Variants in SUGT1 observed in about 807,000 individuals in gnomAD.
SUGT1 encodes the protein protein SGT1 homolog.
SUGT1 carries 15 observed loss-of-function variants against 56.1 expected under a neutral mutation model. The observed-to-expected ratio is 0.27, with a 90% CI of 0.18 to 0.41. The LOEUF (loss-of-function observed/expected upper bound fraction) is 0.41. Ranked by LOEUF, SUGT1 falls within the 10% of genes least tolerant of loss-of-function variation. The pLI, the probability that SUGT1 is intolerant of heterozygous loss-of-function variation, is 1.00. For missense variants in SUGT1, 347 were observed against 382.2 expected (o/e 0.91, Z 0.77); for synonymous variants, 123 against 128.6 (o/e 0.96, Z 0.30).
intron 9 of SUGT1, among the ~76,000 whole-genome samples, chr13:52,666,248 G>C (rs555635895): frequency 6.6e-6 from 1 of 152,192 alleles, no homozygotes. Flanking sequence ...ACCGTGCCTG[G>C]CTAATTTTTG....
chr13:52,674,389 C>T (rs1963063077), intron 10 of SUGT1, among the ~76,000 whole-genome samples: 1 of 152,016 alleles, frequency 6.6e-6, no homozygotes, highest in Admixed American at 6.6e-5. Flanking sequence ...TGAAAACAGT[C>T]GTTTATTACA....
At chr13:52,682,500 C>G (rs77838011) in intron 12 of SUGT1, among the ~76,000 whole-genome samples, 2,096 of 152,330 alleles carry the variant, frequency 0.014, 47 homozygotes, top group African/African-American at 0.048. Context: ...AGCACCTGGC[C>G]TACATATTAC....
In SUGT1 at chr13:52,699,326, T is replaced by A. The variant is rs1014670224; in HGVS notation, c.*11491T>A. 2.6e-5 allele frequency: 4 copies of A among 152,078 alleles called. No individual in the cohort carries two copies. Among genetic ancestry groups the A allele is most frequent in the African/African-American group, 9.7e-5 (4 of 41,402 alleles). The allele number at this position is 152,078 out of a possible 1,614,324, so 9.4% of individuals were successfully genotyped here. On this transcript the variant is annotated 3_prime_UTR_variant, in exon 13 of 13. Transcript: ENST00000310528. The stretch of plus-strand genomic sequence containing the variant: ...GAGAATAACTATTTGGGCAAAACAC[T>A]TTTATCACTGCTAAGATATTACTAG...
Position 52,691,571 on chromosome 13 carries a change from G to C in SUGT1, c.*3736G>C, listed in dbSNP as rs2138189614. On this transcript the variant is annotated 3_prime_UTR_variant, in exon 13 of 13. Transcript: ENST00000310528. Reference sequence around the variant, plus strand: ...TGTTCAGATTGGTGTGCATCTCTCTGAACTTGTAGCTTTACTGACATTTCC... The same window carrying C: ...TGTTCAGATTGGTGTGCATCTCTCTCAACTTGTAGCTTTACTGACATTTCC... The C allele has an allele frequency of 6.6e-6, 1 of 152,152 alleles. No individual in the cohort carries two copies. The highest frequency in any genetic ancestry group is 1.9e-4 in the East Asian group (1 of 5,170). The allele number at this position is 152,152 out of a possible 1,614,324, so 9.4% of individuals were successfully genotyped here.
In SUGT1 at chr13:52,665,676, A is replaced by G. The variant is rs777979533; in HGVS notation, c.462A>G (p.Thr154=). 2.5e-6 allele frequency: 4 copies of G among 1,607,920 alleles called. No individual in the cohort carries two copies. The highest frequency in any genetic ancestry group is 1.7e-5 in the Admixed American group (1 of 57,914). The change falls in exon 9 of 13, where the codon ACA becomes ACG. Residue 154 remains threonine (T), a synonymous_variant. Transcript: ENST00000310528. ...AAACAGAATCTCAAGTAGTCATTACACTTATGATCAAGAATGTTCAGAAGA... is the reference window on the plus strand; with the variant it reads ...AAACAGAATCTCAAGTAGTCATTACGCTTATGATCAAGAATGTTCAGAAGA... ...WYQTESQVVI[T]LMIKNVQKND... is the part of the protein sequence containing the mutation.
At chr13:52,663,206 A>G in intron 7 of SUGT1, 94 bp downstream of exon 7, 1 of 1,289,168 alleles carries the variant, frequency 7.8e-7, no homozygotes, top group Non-Finnish European at 1.1e-6. Context: ...GCTGTCTGAT[A>G]TTTAAATATT....
chr13:52,664,187 A>C, intron 8 of SUGT1, 130 bp downstream of exon 8: 1 of 939,430 alleles, frequency 1.1e-6, no homozygotes, highest in Non-Finnish European at 1.6e-6. Flanking sequence ...AAAATTGTGT[A>C]ATAGCTTTAT....
Position 52,694,468 on chromosome 13 carries a change from AGAAT to A in SUGT1, c.*6634_*6637del, listed in dbSNP as rs1176700968. ...TGTAAGTATTGTCAGCACTTTATAA[AGAAT>A]CGTAAAATAAAATAGTGGCAGAAAA... On this transcript the variant is annotated 3_prime_UTR_variant, in exon 13 of 13. Transcript: ENST00000310528. 1 of 152,264 alleles carries A rather than the reference AGAAT, an allele frequency of 6.6e-6. No homozygotes were observed. Among genetic ancestry groups the A allele is most frequent in the Non-Finnish European group, 1.5e-5 (1 of 68,044 alleles). The allele number at this position is 152,264 out of a possible 1,614,324, so 9.4% of individuals were successfully genotyped here.
rs529679464 is a variant in SUGT1 at position 52,657,634 on chromosome 13, T to C, written c.187+12T>C. ...TGGGAATTACTGTGGTAACGTTTCT[T>C]ATAAAGTATATTGCCCCCTTTTAAT... is the stretch of plus-strand genomic sequence containing the variant. On this transcript the variant is annotated intron_variant, in intron 3 of 12. Transcript: ENST00000310528. The C allele has an allele frequency of 6.2e-7, 1 of 1,603,606 alleles. No individual in the cohort carries two copies. Among genetic ancestry groups the C allele is most frequent in the South Asian group, 1.1e-5 (1 of 90,316 alleles).
At chr13:52,667,060 G>A in intron 10 of SUGT1, 141 bp downstream of exon 10, 1 of 588,586 alleles carries the variant, frequency 1.7e-6, no homozygotes, top group Non-Finnish European at 2.9e-6. Flanking sequence ...GATAACTTTT[G>A]AGTATAAGGG....
intron 11 of SUGT1, among the ~76,000 whole-genome samples, chr13:52,679,103 T>C (rs1325946393): frequency 6.6e-6 from 1 of 152,252 alleles, no homozygotes; most frequent in Non-Finnish European, 1.5e-5. Flanking sequence ...TTTTAAATTA[T>C]ATATGTGACT....
rs1199837080 is a variant in SUGT1, at chr13:52,653,912, C to T, written c.96+809C>T. Among the ~76,000 whole-genome samples the T allele has an allele frequency of 2.6e-5, 4 of 152,140 alleles. No homozygotes were observed. The East Asian group carries it at 7.7e-4, about 29-fold the overall frequency. ...AAGACAGCGTCTTTTCTAGCTATGACTTTTATAAGAAATGTGCCACATGGT... is the reference window on the plus strand; with the variant it reads ...AAGACAGCGTCTTTTCTAGCTATGATTTTTATAAGAAATGTGCCACATGGT... On this transcript the variant is annotated intron_variant, in intron 2 of 12. Coordinates refer to ENST00000310528, the MANE Select transcript of SUGT1 (RefSeq NM_006704.5).
intron 5 of SUGT1, chr13:52,661,666 T>TG: frequency 2.8e-6 from 1 of 353,278 alleles, no homozygotes; most frequent in Non-Finnish European, 5.5e-6. Flanking sequence ...TTGTTACCTT[T>TG]TCCCCTCTTT....
At position 52,700,485 on chromosome 13, in the gene SUGT1, A is replaced by G. The variant is rs1964050129; in HGVS notation, c.*12650A>G. ...AAACCTGTTTTGTAAATTTGATGCTAGTATTATACTGGACTTTCTCAAAAT... is the reference window on the plus strand; with the variant it reads ...AAACCTGTTTTGTAAATTTGATGCTGGTATTATACTGGACTTTCTCAAAAT... On this transcript the variant is annotated 3_prime_UTR_variant, in exon 13 of 13. Transcript: ENST00000310528. 6.6e-6 allele frequency: 1 copy of G among 152,200 alleles called. No homozygotes were observed. Among genetic ancestry groups the G allele is most frequent in the African/African-American group, 2.4e-5 (1 of 41,462 alleles). 9.4% of individuals were successfully genotyped at this position (152,200 alleles called of 1,614,324 possible).
At position 52,653,075 on chromosome 13, in the gene SUGT1, T is replaced by C; in HGVS notation, c.68T>C (p.Ile23Thr). Residue 23 changes from isoleucine to threonine, a missense_variant, in exon 2 of 13, where the codon ATC (isoleucine) becomes ACC (threonine). Coordinates refer to ENST00000310528, the MANE Select transcript of SUGT1 (RefSeq NM_006704.5). Reference protein sequence around the residue: ...RFFQSFSDALIDEDPQAALEE... With the variant: ...RFFQSFSDALTDEDPQAALEE... ...TTCCAGAGCTTCTCGGATGCCCTAA[T>C]CGACGAGGACCCCCAGGCGGCGTTA... 1 of 1,614,196 alleles carries C rather than the reference T, an allele frequency of 6.2e-7. No homozygotes were observed. Among genetic ancestry groups the C allele is most frequent in the Non-Finnish European group, 8.5e-7 (1 of 1,180,044 alleles).
intron 6 of SUGT1, 28 bp downstream of exon 6, chr13:52,662,730 T>A (rs959245748): frequency 1.2e-6 from 2 of 1,600,056 alleles, no homozygotes; most frequent in African/African-American, 2.7e-5. Context: ...GGTATTTGTT[T>A]CAATTTAAAA....
At chr13:52,653,201 G>A in intron 2 of SUGT1, 98 bp downstream of exon 2, 1 of 1,445,634 alleles carries the variant, frequency 6.9e-7, no homozygotes, top group Non-Finnish European at 9.5e-7. Context: ...GCCGGACAGG[G>A]ACCCAGGCTC....
intron 5 of SUGT1, among the ~76,000 whole-genome samples, chr13:52,661,779 AGT>A (rs1055887844): frequency 1.3e-5 from 2 of 152,156 alleles, no homozygotes; most frequent in African/African-American, 4.8e-5. Flanking sequence ...TCTAGAATAC[AGT>A]GTGTGTGAGA....
In SUGT1 at chr13:52,682,280, CCTCAA is replaced by C. The variant is rs1963407590; in HGVS notation, c.900+2126_900+2130del. On this transcript the variant is annotated intron_variant, in intron 12 of 12. Coordinates refer to ENST00000310528, the MANE Select transcript of SUGT1 (RefSeq NM_006704.5). Reference sequence around the variant, plus strand: ...GTGGCACAGTCACAGTTCACTGTAACCTCAAAGTCCTGGGCTCAAGTGATCCTTAT... The same window carrying C: ...GTGGCACAGTCACAGTTCACTGTAACAGTCCTGGGCTCAAGTGATCCTTAT... Among the ~76,000 whole-genome samples the C allele has an allele frequency of 2.6e-5, 4 of 152,166 alleles. No homozygotes were observed. In the South Asian group the frequency reaches 8.3e-4, roughly 31 times the overall value.
Sources: allele counts gnomAD v4.1 joint callset (sites outside exome capture counted in the v4.1 genomes callset), GRCh38; gene constraint gnomAD v4.1.1; transcripts MANE v1.5; gene names NCBI Gene and HGNC (gene_info 2026-07-23, HGNC 2026-07-21).